SLC71A2: variants seen among roughly 807,000 people sequenced by gnomAD.
SLC71A2 encodes hippocampus abundant transcript-like 1.
the SLC71A2 span, among the ~76,000 whole-genome samples, chr9:94,400,568 G>GAAAAAA: frequency 2.9e-5 from 4 of 136,994 alleles, no homozygotes; most frequent in African/African-American, 1.1e-4. Context: ...GCTTCCAAAT[G>GAAAAAA]AAAAAAAAAA....
At chr9:94,388,777 T>C in the SLC71A2 span, among the ~76,000 whole-genome samples, 1 of 152,308 alleles carries the variant, frequency 6.6e-6, no homozygotes, top group Admixed American at 6.5e-5. Context: ...CCTGTTTCTT[T>C]ATTTTCATTT....
the SLC71A2 span, among the ~76,000 whole-genome samples, chr9:94,424,503 G>T: frequency 6.6e-6 from 1 of 152,020 alleles, no homozygotes; most frequent in East Asian, 1.9e-4. Flanking sequence ...CCAAAGTGCT[G>T]GGATTGCAGG....
chr9:94,397,305 T>G, the SLC71A2 span, among the ~76,000 whole-genome samples: 9 of 152,246 alleles, frequency 5.9e-5, no homozygotes, highest in African/African-American at 2.2e-4. Context: ...CCAGTGTCCA[T>G]GCACTATTAT....
At chr9:94,378,969 T>A in the SLC71A2 span, among the ~76,000 whole-genome samples, 1 of 149,722 alleles carries the variant, frequency 6.7e-6, no homozygotes, top group Admixed American at 6.7e-5. Context: ...TTTCAGTAAG[T>A]TGTGTTTTGT....
chr9:94,450,578 A>G, the SLC71A2 span, among the ~76,000 whole-genome samples: 1 of 140,816 alleles, frequency 7.1e-6, no homozygotes, highest in African/African-American at 2.8e-5. Context: ...CAACCTCTAC[A>G]TTCCAGGTTC....
chr9:94,445,498 A>G, the SLC71A2 span, among the ~76,000 whole-genome samples: 2 of 152,180 alleles, frequency 1.3e-5, no homozygotes, highest in Non-Finnish European at 2.9e-5. Context: ...TGGTCATTTG[A>G]AGTGGTCATT....
chr9:94,424,727 CTTTTTTTT>C, the SLC71A2 span, among the ~76,000 whole-genome samples: 3 of 91,818 alleles, frequency 3.3e-5, no homozygotes, highest in Admixed American at 1.3e-4. Flanking sequence ...TTGTTTTCTG[CTTTTTTTT>C]TTTTTTTTTT....
At chr9:94,431,630 A>G in the SLC71A2 span, among the ~76,000 whole-genome samples, 1 of 152,032 alleles carries the variant, frequency 6.6e-6, no homozygotes, top group South Asian at 2.1e-4. Flanking sequence ...TACTGAGAAC[A>G]CTGGACTTAG....
the SLC71A2 span, among the ~76,000 whole-genome samples, chr9:94,434,932 T>G: frequency 6.6e-6 from 1 of 152,168 alleles, no homozygotes; most frequent in African/African-American, 2.4e-5. Flanking sequence ...TACATACTGT[T>G]TCTCTGTATA....
chr9:94,422,599 C>G, the SLC71A2 span, among the ~76,000 whole-genome samples: 1 of 151,976 alleles, frequency 6.6e-6, no homozygotes, highest in Non-Finnish European at 1.5e-5. Context: ...AGTGGGTGAA[C>G]AATTTACTCT....
the SLC71A2 span, among the ~76,000 whole-genome samples, chr9:94,424,744 T>A: frequency 2.2e-5 from 3 of 134,784 alleles, no homozygotes; most frequent in Non-Finnish European, 4.8e-5. Context: ...TTTTTTTTTT[T>A]TTTTTTATTC....
At chr9:94,457,752 A>T in the SLC71A2 span, among the ~76,000 whole-genome samples, 1 of 152,232 alleles carries the variant, frequency 6.6e-6, no homozygotes, top group Non-Finnish European at 1.5e-5. Flanking sequence ...AAGTTTTGGA[A>T]CACATTGTAT....
At chr9:94,405,412 A>C in the SLC71A2 span, among the ~76,000 whole-genome samples, 430 of 151,096 alleles carry the variant, frequency 2.8e-3, 1 homozygote, top group Non-Finnish European at 4.8e-3. Context: ...GGAGAATGGC[A>C]TGAACCCGGG....
chr9:94,445,608 T>C, the SLC71A2 span, among the ~76,000 whole-genome samples: 5 of 152,170 alleles, frequency 3.3e-5, no homozygotes, highest in South Asian at 2.1e-4. Context: ...AGATTGAGTA[T>C]TGTTTTCTAT....
At chr9:94,417,614 C>T in the SLC71A2 span, among the ~76,000 whole-genome samples, 1 of 152,028 alleles carries the variant, frequency 6.6e-6, no homozygotes, top group Non-Finnish European at 1.5e-5. Flanking sequence ...GCAACGAGTG[C>T]AAAACTCTTT....
the SLC71A2 span, among the ~76,000 whole-genome samples, chr9:94,452,142 T>A: frequency 6.6e-6 from 1 of 152,346 alleles, no homozygotes; most frequent in South Asian, 2.1e-4. Context: ...TAGTAAATAA[T>A]TATAATCTAT....
At chr9:94,442,051 T>A in the SLC71A2 span, among the ~76,000 whole-genome samples, 4 of 152,198 alleles carry the variant, frequency 2.6e-5, no homozygotes, top group Non-Finnish European at 5.9e-5. Context: ...GTATGCTTGG[T>A]ACCCTTCTCC....
chr9:94,429,827 T>C, the SLC71A2 span, among the ~76,000 whole-genome samples: 2 of 152,256 alleles, frequency 1.3e-5, no homozygotes, highest in Admixed American at 1.3e-4. Context: ...TATTATTATT[T>C]TTGCATTGCT....
chr9:94,431,261 T>A, the SLC71A2 span, among the ~76,000 whole-genome samples: 1 of 150,648 alleles, frequency 6.6e-6, no homozygotes, highest in East Asian at 2.0e-4. Context: ...TGCAGTGAGC[T>A]GAGATTGTGC....
Sources: gnomAD v4.1 joint callset for allele counts (sites outside exome capture counted in the v4.1 genomes callset) on GRCh38, gnomAD v4.1.1 for gene constraint, MANE v1.5 for transcripts, NCBI Gene and HGNC (gene_info 2026-07-23, HGNC 2026-07-21) for gene names.